PCSK1: variants seen among roughly 807,000 people sequenced by gnomAD.
PCSK1 encodes the protein neuroendocrine convertase 1.
In PCSK1, 56 loss-of-function variants were observed where a neutral mutation model predicts 90.6. The observed-to-expected ratio is 0.62, with a 90% CI of 0.50 to 0.77. PCSK1 has a LOEUF of 0.77. PCSK1 is among the 30% of genes least tolerant of loss of function. The pLI is 0.00. For missense variants in PCSK1, 801 were observed against 932.6 expected (o/e 0.86, Z 1.84); for synonymous variants, 348 against 342.4 (o/e 1.02, Z -0.18).
chr5:96,419,305 A>C (rs1168756497), intron 5 of PCSK1, among the ~76,000 whole-genome samples: 1 of 146,002 alleles, frequency 6.8e-6, no homozygotes, highest in Non-Finnish European at 1.5e-5. Context: ...ATATATATTA[A>C]GTGAGATATA....
chr5:96,394,823 C>A lies in PCSK1; in HGVS notation c.1884+41G>T, dbSNP rs774001729. 5.0e-6 allele frequency: 8 copies of A among 1,594,994 alleles called. No individual in the cohort carries two copies. In the African/African-American group the frequency reaches 6.7e-5, roughly 13 times the overall value. Reference sequence around the variant, plus strand: ...GCTTCACTGACTACATTGTCTACCCCAGTTCAAAAGAGAGCATGCCAAGAA... The same window carrying A: ...GCTTCACTGACTACATTGTCTACCCAAGTTCAAAAGAGAGCATGCCAAGAA... On this transcript the variant is annotated intron_variant, in intron 13 of 13. Transcript: ENST00000311106.
In PCSK1 at chr5:96,413,890, C is replaced by T. The variant is rs183751511; in HGVS notation, c.710-1400G>A. 5.6e-3 allele frequency among the ~76,000 whole-genome samples: 759 copies of T among 136,130 alleles called. 9 individuals carry two copies. Among genetic ancestry groups the T allele is most frequent in the African/African-American group, 0.02 (705 of 35,702 alleles). 89.3% of individuals were successfully genotyped at this position (136,130 alleles called of 152,430 possible). A position where few individuals can be genotyped will look rare whatever the true frequency, so the allele number is the denominator to read the frequency against. On this transcript the variant is annotated intron_variant, in intron 6 of 13. Coordinates refer to ENST00000311106, the MANE Select transcript of PCSK1 (RefSeq NM_000439.5). ...ATCCCAGCACTTTGGGAGGCCGAGG[C>T]GGGCGGATCACGAGGTCAAGAGATC... is the stretch of plus-strand genomic sequence containing the variant.
At chr5:96,401,057 G>A (rs1350696807) in intron 9 of PCSK1, among the ~76,000 whole-genome samples, 4 of 129,752 alleles carry the variant, frequency 3.1e-5, no homozygotes, top group South Asian at 2.4e-4. Flanking sequence ...ACTGCAATCC[G>A]GCCTGGGCTA....
chr5:96,429,426 C>CCTGGTAT lies in PCSK1; in HGVS notation c.181-116_181-110dup, dbSNP rs1761421148. ...ATAGGCAACTTTTATTAAGCCCATT[C>CCTGGTAT]CTGGTATCTGAAATTAATATTTTTT... On this transcript the variant is annotated intron_variant, in intron 1 of 13. Coordinates refer to ENST00000311106, the MANE Select transcript of PCSK1 (RefSeq NM_000439.5). 11 of 661,420 alleles carry CCTGGTAT rather than the reference C, an allele frequency of 1.7e-5. No individual in the cohort carries two copies. In the South Asian group the frequency reaches 1.9e-4, roughly 11 times the overall value. 41.0% of individuals were successfully genotyped at this position (661,420 alleles called of 1,614,324 possible). A position where few individuals can be genotyped will look rare whatever the true frequency, so the allele number is the denominator to read the frequency against.
intron 3 of PCSK1, among the ~76,000 whole-genome samples, chr5:96,424,979 TAGAAAGAA>T (rs902326612): frequency 4.6e-5 from 3 of 65,736 alleles, no homozygotes; most frequent in Non-Finnish European, 9.7e-5. Context: ...AAAAGAAAGA[TAGAAAGAA>T]AGAAAGAAAG....
At chr5:96,420,155 G>T (rs1049268680) in intron 5 of PCSK1, among the ~76,000 whole-genome samples, 1 of 152,180 alleles carries the variant, frequency 6.6e-6, no homozygotes, top group Non-Finnish European at 1.5e-5. Context: ...ATTTCCTCAG[G>T]AAGTTCATTT....
At chr5:96,426,251 C>T (rs1027926378) in intron 2 of PCSK1, among the ~76,000 whole-genome samples, 2 of 152,152 alleles carry the variant, frequency 1.3e-5, no homozygotes, top group Non-Finnish European at 2.9e-5. Context: ...CCATAATACT[C>T]ATTTTTATAT....
chr5:96,419,752 C>T (rs1410192853), intron 5 of PCSK1, among the ~76,000 whole-genome samples: 1 of 151,840 alleles, frequency 6.6e-6, no homozygotes, highest in Non-Finnish European at 1.5e-5. Flanking sequence ...TTGCAGGTAA[C>T]TCCCTGAGTC....
intron 2 of PCSK1, among the ~76,000 whole-genome samples, 196 bp from the exon 3 acceptor site, chr5:96,426,126 T>C (rs1321875866): frequency 6.6e-6 from 1 of 152,164 alleles, no homozygotes; most frequent in Non-Finnish European, 1.5e-5. Context: ...TCTATTACAG[T>C]AAAGTGCACC....
chr5:96,429,116 A>G, intron 2 of PCSK1, 97 bp downstream of exon 2: 1 of 729,886 alleles, frequency 1.4e-6, no homozygotes, highest in Admixed American at 2.3e-5. Flanking sequence ...CAATAAAAAA[A>G]AAACCACATT....
chr5:96,425,536 C>A (rs76025606), intron 3 of PCSK1, among the ~76,000 whole-genome samples: 3,072 of 152,214 alleles, frequency 0.02, 118 homozygotes, highest in African/African-American at 0.071. Flanking sequence ...AAACCCTAAC[C>A]TGCAAGATAT....
chr5:96,426,616 T>C (rs116146450), intron 2 of PCSK1, among the ~76,000 whole-genome samples: 3,746 of 152,302 alleles, frequency 0.025, 148 homozygotes, highest in African/African-American at 0.086. Flanking sequence ...ATAATACTAT[T>C]ATACTTGAAG....
chr5:96,412,355 C>T lies in PCSK1; in HGVS notation c.845G>A (p.Arg282Gln), dbSNP rs1413471001. 3 of 1,614,150 alleles carry T rather than the reference C, an allele frequency of 1.9e-6. No homozygotes were observed. Among genetic ancestry groups the T allele is most frequent in the Non-Finnish European group, 1.7e-6 (2 of 1,180,020 alleles). Residue 282 changes from arginine (R) to glutamine (Q), a missense_variant, in exon 7 of 14, where the codon CGG becomes CAG. Transcript: ENST00000311106. ...DDGKTVEGPG[R>Q]LAQKAFEYGV... ...ATATTCAAAAGCCTTCTGGGCTAGC[C>T]GGCCAGGCCCCTCCACAGTTTTCCC...
intron 7 of PCSK1, among the ~76,000 whole-genome samples, 169 bp downstream of exon 7, chr5:96,412,149 C>T (rs996890298): frequency 6.6e-6 from 1 of 152,210 alleles, no homozygotes; most frequent in South Asian, 2.1e-4. Flanking sequence ...AGCCTTAACT[C>T]CCATCCCTCT....
At chr5:96,403,598 G>A (rs1466931631) in intron 9 of PCSK1, among the ~76,000 whole-genome samples, 1 of 152,218 alleles carries the variant, frequency 6.6e-6, no homozygotes, top group Non-Finnish European at 1.5e-5. Flanking sequence ...ACTGCATTGA[G>A]TGGCTAATCA....
In PCSK1 at chr5:96,392,916, G is replaced by C. The variant is rs1365512788; in HGVS notation, c.*85C>G. 1 of 1,364,798 alleles carries C rather than the reference G, an allele frequency of 7.3e-7. No homozygotes were observed. The highest frequency in any genetic ancestry group is 1.4e-5 in the African/African-American group (1 of 70,116). 84.5% of individuals were successfully genotyped at this position (1,364,798 alleles called of 1,614,324 possible). On this transcript the variant is annotated 3_prime_UTR_variant, in exon 14 of 14. Transcript: ENST00000311106. ...GGATATTATAAGCATAAGAATTCAT[G>C]ACAAAACAACCACTTCAGACACAGG...
At chr5:96,395,550 C>T (rs1464047505) in intron 12 of PCSK1, among the ~76,000 whole-genome samples, 4 of 152,082 alleles carry the variant, frequency 2.6e-5, no homozygotes, top group African/African-American at 9.7e-5. Context: ...GAACAGAAAA[C>T]CAAACACTGA....
chr5:96,431,821 A>G (rs1366283111), intron 1 of PCSK1, among the ~76,000 whole-genome samples: 4 of 152,040 alleles, frequency 2.6e-5, no homozygotes, highest in African/African-American at 9.7e-5. Context: ...AACGCGCCAA[A>G]ATGTTTTACA....
At chr5:96,425,296 T>G (rs777127352) in intron 3 of PCSK1, among the ~76,000 whole-genome samples, 1 of 152,224 alleles carries the variant, frequency 6.6e-6, no homozygotes, top group Non-Finnish European at 1.5e-5. Context: ...GCTCAAGGAT[T>G]TGGTAACTAT....
Sources: allele counts gnomAD v4.1 joint callset (sites outside exome capture counted in the v4.1 genomes callset), GRCh38; gene constraint gnomAD v4.1.1; transcripts MANE v1.5; gene names NCBI Gene and HGNC (gene_info 2026-07-23, HGNC 2026-07-21).